TMEM200C: variants seen among roughly 807,000 people sequenced by gnomAD.
The protein encoded by TMEM200C is transmembrane protein 200C.
For synonymous variants in TMEM200C, 462 were observed against 324.7 expected (o/e 1.42, Z -4.55); for missense variants, 966 against 699.9 (o/e 1.38, Z -4.29).
exon 3 of TMEM200C, chr18:5,882,377 T>C (rs2095162422): frequency 6.6e-6 from 1 of 152,194 alleles, no homozygotes. Context: ...GGCATTTTTT[T>C]CAGGCAGGTA....
intron 2 of TMEM200C, 138 bp from the exon 2 acceptor site, chr18:5,892,295 C>G: frequency 1.7e-6 from 1 of 578,246 alleles, no homozygotes; most frequent in South Asian, 2.2e-5. Flanking sequence ...GAAACAAGGC[C>G]GTGTACAGAG....
intron 1 of TMEM200C, chr18:5,895,803 G>A (rs2144468812): frequency 6.7e-6 from 1 of 149,172 alleles, no homozygotes; most frequent in African/African-American, 2.4e-5. Context: ...GGGGCGCCCC[G>A]AGACCGCCGC....
intron 2 of TMEM200C, among the ~76,000 whole-genome samples, chr18:5,892,576 C>T (rs1176129365): frequency 6.6e-6 from 1 of 152,150 alleles, no homozygotes; most frequent in Non-Finnish European, 1.5e-5. Flanking sequence ...CTCAGTCCTT[C>T]AGGAATTGGA....
chr18:5,895,446 G>A (rs1461483562), exon 2 of TMEM200C: 5 of 150,352 alleles, frequency 3.3e-5, no homozygotes, highest in Non-Finnish European at 7.4e-5. Context: ...TGAGCCCGCG[G>A]CGGCGGCTCG....
chr18:5,883,360 T>C (rs2095163122), exon 3 of TMEM200C: 1 of 152,160 alleles, frequency 6.6e-6, no homozygotes, highest in African/African-American at 2.4e-5. Context: ...CCTGTATCTT[T>C]TTGTTTGCAG....
Sources: gnomAD v4.1 joint callset for allele counts (sites outside exome capture counted in the v4.1 genomes callset) on GRCh38, gnomAD v4.1.1 for gene constraint, MANE v1.5 for transcripts, NCBI Gene and HGNC (gene_info 2026-07-23, HGNC 2026-07-21) for gene names.